IFT81: variants seen among roughly 807,000 people sequenced by gnomAD.
IFT81 encodes intraflagellar transport 81, also known as intraflagellar transport protein 81 homolog.
In IFT81, 72 loss-of-function variants were observed where a neutral mutation model predicts 102.6. The ratio of observed to expected loss-of-function variants is 0.70; its 90% CI spans 0.58 to 0.85. The LOEUF is 0.85. IFT81 is among the 40% of genes least tolerant of loss of function. IFT81 has a pLI of 0.00. For missense variants in IFT81, 723 were observed against 787.3 expected (o/e 0.92, Z 0.98); for synonymous variants, 237 against 242.7 (o/e 0.98, Z 0.22).
chr12:110,162,874 T>A, intron 10 of IFT81, 45 bp from the exon 11 acceptor site: 1 of 1,456,570 alleles, frequency 6.9e-7, no homozygotes, highest in Non-Finnish European at 9.4e-7. Flanking sequence ...TAATAGAAAG[T>A]TGATTGTATA....
intron 11 of IFT81, among the ~76,000 whole-genome samples, chr12:110,174,073 C>G (rs1013989296): frequency 6.6e-6 from 1 of 151,390 alleles, no homozygotes. Flanking sequence ...GTCAGGAGAT[C>G]GAGACCATCC....
intron 7 of IFT81, among the ~76,000 whole-genome samples, chr12:110,135,880 A>AG (rs2137322611): frequency 6.6e-6 from 1 of 152,142 alleles, no homozygotes; most frequent in South Asian, 2.1e-4. Context: ...AAAAAAAAAA[A>AG]AAAAAGATAA....
intron 14 of IFT81, among the ~76,000 whole-genome samples, chr12:110,194,762 A>C (rs1047276619): frequency 1.3e-5 from 2 of 152,242 alleles, no homozygotes; most frequent in African/African-American, 4.8e-5. Flanking sequence ...TAACAGCTCC[A>C]TATGTATTTT....
intron 8 of IFT81, among the ~76,000 whole-genome samples, chr12:110,141,550 A>G (rs1441266029): frequency 6.6e-6 from 1 of 152,208 alleles, no homozygotes; most frequent in Non-Finnish European, 1.5e-5. Context: ...GCAATCTATT[A>G]CACAGATTAC....
chr12:110,156,556 G>T (rs1895850186), intron 10 of IFT81, among the ~76,000 whole-genome samples: 1 of 151,918 alleles, frequency 6.6e-6, no homozygotes, highest in Non-Finnish European at 1.5e-5. Flanking sequence ...GAATGCAGTG[G>T]CATGATCTCC....
At chr12:110,179,783 C>T (rs1303380681) in intron 11 of IFT81, among the ~76,000 whole-genome samples, 3 of 129,222 alleles carry the variant, frequency 2.3e-5, no homozygotes, top group Non-Finnish European at 3.3e-5. Flanking sequence ...TACACACACA[C>T]ACACACACAC....
Position 110,143,407 on chromosome 12 carries a change from G to A in IFT81, c.807G>A (p.Glu269=). ...GTTTAATGAAGAGGCTAGAGGAGGA[G>A]ATAAAATTTAATTTATATATGGTAA... is the stretch of plus-strand genomic sequence containing the variant. The part of the protein sequence containing the change: ...PESLMKRLEE[E]IKFNLYMVTE... Residue 269 remains glutamate (E), a synonymous_variant, in exon 9 of 19, where the codon GAG becomes GAA. Coordinates refer to ENST00000242591, the MANE Select transcript of IFT81 (RefSeq NM_014055.4). 1 of 1,415,860 alleles carries A rather than the reference G, an allele frequency of 7.1e-7. No homozygotes were observed. The highest frequency in any genetic ancestry group is 1.4e-5 in the South Asian group (1 of 71,682). 87.7% of individuals were successfully genotyped at this position (1,415,860 alleles called of 1,614,324 possible). A position where few individuals can be genotyped will look rare whatever the true frequency, so the allele number is the denominator to read the frequency against.
chr12:110,131,236 T>C (rs1419905962), intron 4 of IFT81, among the ~76,000 whole-genome samples: 2 of 151,926 alleles, frequency 1.3e-5, no homozygotes, highest in Non-Finnish European at 2.9e-5. Flanking sequence ...TGAGCTGTGA[T>C]CGCACCACTG....
intron 8 of IFT81, among the ~76,000 whole-genome samples, chr12:110,140,369 C>T (rs1454911203): frequency 5.3e-5 from 8 of 152,176 alleles, no homozygotes; most frequent in Non-Finnish European, 1.2e-4. Context: ...ATCCATCACC[C>T]CAGACATTTC....
At chr12:110,207,509 A>G (rs534434749) in intron 17 of IFT81, among the ~76,000 whole-genome samples, 1 of 151,602 alleles carries the variant, frequency 6.6e-6, no homozygotes, top group Non-Finnish European at 1.5e-5. Context: ...CACACACAAA[A>G]ACAGTCTCTT....
chr12:110,158,424 CAG>C (rs1895961826), intron 10 of IFT81, among the ~76,000 whole-genome samples: 1 of 151,490 alleles, frequency 6.6e-6, no homozygotes, highest in Non-Finnish European at 1.5e-5. Context: ...AAAATAGAAA[CAG>C]GGTCTCATTA....
chr12:110,190,807 T>C, intron 12 of IFT81, 113 bp from the exon 13 acceptor site: 1 of 952,168 alleles, frequency 1.1e-6, no homozygotes. Context: ...TTTAGGATTC[T>C]AAACTAATTA....
chr12:110,130,662 C>T (rs1051803261), intron 4 of IFT81, among the ~76,000 whole-genome samples: 3 of 151,796 alleles, frequency 2.0e-5, no homozygotes, highest in Admixed American at 6.6e-5. Flanking sequence ...CCACGGTGCA[C>T]GACCTGATTA....
chr12:110,153,797 C>A (rs1459479559), intron 10 of IFT81, among the ~76,000 whole-genome samples: 1 of 150,764 alleles, frequency 6.6e-6, no homozygotes. Context: ...TTGGTAGACA[C>A]AGGGTTTCTC....
intron 11 of IFT81, among the ~76,000 whole-genome samples, chr12:110,164,652 C>G (rs553699833): frequency 4.6e-5 from 7 of 152,226 alleles, no homozygotes; most frequent in Admixed American, 1.3e-4. Flanking sequence ...TTGTACCCTC[C>G]CAATGTGCCT....
Position 110,180,558 on chromosome 12 carries a change from T to G in IFT81, c.1325T>G (p.Ile442Ser). 6.2e-7 allele frequency: 1 copy of G among 1,604,980 alleles called. No individual in the cohort carries two copies. Among genetic ancestry groups the G allele is most frequent in the South Asian group, 1.1e-5 (1 of 90,026 alleles). ...EELLKQRHENIQQQLQTMEEK... is the reference protein window; with the variant it reads ...EELLKQRHENSQQQLQTMEEK... Reference sequence around the variant, plus strand: ...CTTCTTAAGCAACGTCATGAAAATATTCAACAACAACTGGTAATACAGTAT... The same window carrying G: ...CTTCTTAAGCAACGTCATGAAAATAGTCAACAACAACTGGTAATACAGTAT... Residue 442 changes from isoleucine (I) to serine (S), a missense_variant, in exon 12 of 19, where the codon ATT becomes AGT. Physicochemically the swap from Ile to Ser is moderately radical, Grantham distance 142 (BLOSUM62 -2). Transcript: ENST00000242591.
intron 12 of IFT81, among the ~76,000 whole-genome samples, chr12:110,183,203 CT>C (rs550361865): frequency 3.0e-4 from 46 of 152,302 alleles, no homozygotes; most frequent in African/African-American, 1.1e-3. Context: ...ACTGAATGCT[CT>C]TAGCCCTTGG....
intron 12 of IFT81, among the ~76,000 whole-genome samples, chr12:110,188,630 A>G (rs1897657359): frequency 6.6e-6 from 1 of 151,354 alleles, no homozygotes; most frequent in African/African-American, 2.4e-5. Flanking sequence ...TTCCACTAAA[A>G]TGTCTTTTGT....
intron 12 of IFT81, among the ~76,000 whole-genome samples, chr12:110,186,924 T>C (rs1249928879): frequency 3.3e-5 from 5 of 152,222 alleles, no homozygotes. Context: ...TTTCCATGTA[T>C]TTCTTATGGG....
Sources: gnomAD v4.1 joint callset for allele counts (sites outside exome capture counted in the v4.1 genomes callset) on GRCh38, gnomAD v4.1.1 for gene constraint, MANE v1.5 for transcripts, NCBI Gene and HGNC (gene_info 2026-07-23, HGNC 2026-07-21) for gene names.